Variants in DNAJC27 observed in about 807,000 individuals in gnomAD.
DNAJC27 encodes the protein DnaJ heat shock protein family (Hsp40) member C27.
DNAJC27 carries 25 observed loss-of-function variants against 31.4 expected under a neutral mutation model. The ratio of observed to expected loss-of-function variants is 0.80; its 90% CI spans 0.58 to 1.11. The LOEUF (loss-of-function observed/expected upper bound fraction) is 1.11. Among genes scored for constraint, DNAJC27 ranks in the 50% most tolerant of loss-of-function variants. The probability of loss-of-function intolerance (pLI) is 0.00; values close to 1 mark genes in which losing one functional copy is unlikely to be tolerated. For synonymous variants in DNAJC27, 106 were observed against 112.7 expected (o/e 0.94, Z 0.37); for missense variants, 356 against 347.3 (o/e 1.02, Z -0.20).
At chr2:24,954,706 G>A (rs1194085949) in intron 5 of DNAJC27, among the ~76,000 whole-genome samples, 2 of 152,210 alleles carry the variant, frequency 1.3e-5, no homozygotes, top group Non-Finnish European at 2.9e-5. Flanking sequence ...GGGAGGCCGA[G>A]GCGGGCGGAT....
chr2:24,944,540 C>G lies in DNAJC27; in HGVS notation c.*3076G>C, dbSNP rs1665602426. The G allele has an allele frequency of 6.6e-6, 1 of 152,574 alleles. No individual in the cohort carries two copies. Among genetic ancestry groups the G allele is most frequent in the East Asian group, 1.9e-4 (1 of 5,194 alleles). 9.5% of individuals were successfully genotyped at this position (152,574 alleles called of 1,614,324 possible). A position where few individuals can be genotyped will look rare whatever the true frequency, so the allele number is the denominator to read the frequency against. ...TGAGAATTCAATATATGAGAACATA[C>G]TAGAGTAAGTTTCCTGAGGTAAAAG... On this transcript the variant is annotated 3_prime_UTR_variant, in exon 7 of 7. Coordinates refer to ENST00000264711, the MANE Select transcript of DNAJC27 (RefSeq NM_016544.3).
At chr2:24,948,513 T>C (rs1182305453) in intron 6 of DNAJC27, among the ~76,000 whole-genome samples, 1 of 151,990 alleles carries the variant, frequency 6.6e-6, no homozygotes, top group Non-Finnish European at 1.5e-5. Flanking sequence ...CAAGGGATGC[T>C]GGAAAGGGGT....
chr2:24,948,365 G>T (rs1030989295), intron 6 of DNAJC27, among the ~76,000 whole-genome samples: 1 of 152,128 alleles, frequency 6.6e-6, no homozygotes, highest in Non-Finnish European at 1.5e-5. Context: ...GAAGATAAAA[G>T]ATAAAGAAAG....
chr2:24,969,391 CAT>C (rs528777785), intron 1 of DNAJC27: 75 of 178,658 alleles, frequency 4.2e-4, no homozygotes, highest in Non-Finnish European at 8.3e-4. Context: ...GCAAAGCTCT[CAT>C]AGACATCCAA....
chr2:24,949,566 A>T (rs1008305047), intron 6 of DNAJC27, among the ~76,000 whole-genome samples: 2 of 152,268 alleles, frequency 1.3e-5, no homozygotes, highest in African/African-American at 4.8e-5. Context: ...CTTAAGAAAA[A>T]AATGTTTTAA....
chr2:24,951,346 G>T, intron 6 of DNAJC27, 48 bp downstream of exon 6: 1 of 1,545,546 alleles, frequency 6.5e-7, no homozygotes, highest in Non-Finnish European at 8.8e-7. Flanking sequence ...TGGTGATGGA[G>T]TCTTTCTTTA....
chr2:24,956,675 T>C (rs1224347069), intron 5 of DNAJC27, among the ~76,000 whole-genome samples: 1 of 152,214 alleles, frequency 6.6e-6, no homozygotes, highest in African/African-American at 2.4e-5. Context: ...ATAATAACTT[T>C]TGTTAAACTT....
Position 24,957,122 on chromosome 2 carries a change from C to T in DNAJC27, c.449G>A (p.Arg150His), listed in dbSNP as rs1009862844. The stretch of plus-strand genomic sequence containing the variant: ...GAACCCTTTGCTTTCAGCCCAAAGA[C>T]GTCCTTCACTTTCATCTACACAGCG... ...KHRCVDESEG[R>H]LWAESKGFLY... is the part of the protein sequence containing the mutation. Residue 150 changes from arginine to histidine, a missense_variant, in exon 5 of 7, where the codon CGT becomes CAT. Physicochemically the swap from Arg to His is conservative, Grantham distance 29. Transcript: ENST00000264711. 6 of 1,610,058 alleles carry T rather than the reference C, an allele frequency of 3.7e-6. No individual in the cohort carries two copies. The highest frequency in any genetic ancestry group is 5.1e-6 in the Non-Finnish European group (6 of 1,178,782).
chr2:24,969,613 G>A (rs1010337900), intron 1 of DNAJC27: 1 of 153,588 alleles, frequency 6.5e-6, no homozygotes, highest in African/African-American at 2.4e-5. Flanking sequence ...TGAGTAGCTG[G>A]GACTACAAGC....
intron 1 of DNAJC27, chr2:24,969,483 A>AT: frequency 1.1e-5 from 2 of 177,286 alleles, no homozygotes; most frequent in South Asian, 1.1e-4. Flanking sequence ...AGTGAAAAAA[A>AT]ATTTTTTTTT....
At chr2:24,971,258 A>G (rs4146916) in intron 1 of DNAJC27, 132,843 of 152,792 alleles carry the variant, frequency 0.87, 57,826 homozygotes, top group Middle Eastern at 0.95. Flanking sequence ...GACACCACCA[A>G]AAATAAAACA....
chr2:24,961,705 G>C (rs572714095), intron 3 of DNAJC27, among the ~76,000 whole-genome samples: 13 of 152,106 alleles, frequency 8.5e-5, no homozygotes, highest in Non-Finnish European at 1.8e-4. Context: ...GGTGGAAATA[G>C]GAAGAGAACT....
At position 24,944,138 on chromosome 2, in the gene DNAJC27, CAA is replaced by C. The variant is rs1178561891; in HGVS notation, c.*3476_*3477del. The C allele has an allele frequency of 6.6e-6, 1 of 152,212 alleles. No homozygotes were observed. Among genetic ancestry groups the C allele is most frequent in the African/African-American group, 2.4e-5 (1 of 41,464 alleles). The allele number at this position is 152,212 out of a possible 1,614,324, so 9.4% of individuals were successfully genotyped here. A position where few individuals can be genotyped will look rare whatever the true frequency, so the allele number is the denominator to read the frequency against. Reference sequence around the variant, plus strand: ...TATATTTTGCAGCTAAGTTCATTTTCAAAAGTTTTACAAAACCTTTGATTCAG... The same window carrying C: ...TATATTTTGCAGCTAAGTTCATTTTCAAGTTTTACAAAACCTTTGATTCAG... On this transcript the variant is annotated 3_prime_UTR_variant, in exon 7 of 7. Transcript: ENST00000264711.
intron 1 of DNAJC27, among the ~76,000 whole-genome samples, chr2:24,967,771 T>G (rs1432275898): frequency 6.6e-6 from 1 of 151,992 alleles, no homozygotes; most frequent in Non-Finnish European, 1.5e-5. Flanking sequence ...AAAATTATTT[T>G]TAAATTCTTC....
chr2:24,967,155 T>C (rs1220800914), intron 2 of DNAJC27, 56 bp downstream of exon 2: 137 of 1,368,380 alleles, frequency 1.0e-4, no homozygotes, highest in Non-Finnish European at 1.3e-4. Flanking sequence ...ATGGATCATT[T>C]TGGAAAGTTC....
intron 3 of DNAJC27, among the ~76,000 whole-genome samples, chr2:24,958,352 T>C (rs1035009674): frequency 1.3e-5 from 2 of 152,186 alleles, no homozygotes; most frequent in African/African-American, 4.8e-5. Flanking sequence ...CAAAATGACA[T>C]AAGTGTCAGC....
intron 2 of DNAJC27, among the ~76,000 whole-genome samples, chr2:24,964,050 A>T (rs1262358671): frequency 6.6e-6 from 1 of 152,240 alleles, no homozygotes; most frequent in African/African-American, 2.4e-5. Context: ...TACTGTTAAC[A>T]TCATAGCATA....
chr2:24,951,515 C>T lies in DNAJC27; in HGVS notation c.568G>A (p.Gly190Arg), dbSNP rs374913210. 18 of 1,612,724 alleles carry T rather than the reference C, an allele frequency of 1.1e-5. No individual in the cohort carries two copies. The highest frequency in any genetic ancestry group is 1.1e-4 in the South Asian group (10 of 90,782). ...ISIVDLCENG[G>R]KRPTTNSSAS... ...CTGCTATTGGTGGTAGGGCGTTTCC[C>T]GCCATTTTCACATAAATCAACTATG... Residue 190 changes from glycine (G) to arginine (R), a missense_variant, in exon 6 of 7, where the codon GGG becomes AGG. By Grantham distance (125) the Gly-to-Arg change is moderately radical (BLOSUM62 -2). Coordinates refer to ENST00000264711, the MANE Select transcript of DNAJC27 (RefSeq NM_016544.3).
intron 1 of DNAJC27, 125 bp downstream of exon 1, chr2:24,971,693 G>T: frequency 1.3e-6 from 1 of 786,200 alleles, no homozygotes; most frequent in Non-Finnish European, 1.9e-6. Context: ...CCTCGGCTGA[G>T]ACCCGGGCCT....
Sources: allele counts gnomAD v4.1 joint callset (sites outside exome capture counted in the v4.1 genomes callset), GRCh38; gene constraint gnomAD v4.1.1; transcripts MANE v1.5; gene names NCBI Gene and HGNC (gene_info 2026-07-23, HGNC 2026-07-21).